Variants in NDEL1 observed in about 807,000 individuals in gnomAD.
The protein encoded by NDEL1 is nuclear distribution protein nudE-like 1.
Under a neutral mutation model 45.7 loss-of-function variants are expected in NDEL1, and 9 were observed. The ratio of observed to expected loss-of-function variants is 0.20; its 90% confidence interval spans 0.12 to 0.34. NDEL1 has a LOEUF of 0.34. NDEL1 is among the 10% of genes least tolerant of loss of function. NDEL1 has a pLI of 1.00. For synonymous variants in NDEL1, 133 were observed against 158.6 expected, an observed-to-expected ratio of 0.84 and a Z score of 1.21; for missense variants, 306 against 406.2, an observed-to-expected ratio of 0.75 and a Z score of 2.12.
chr17:8,470,838 C>A (rs961764040), downstream of NDEL1, among the ~76,000 whole-genome samples: 1 of 152,184 alleles, frequency 6.6e-6, no homozygotes, highest in Non-Finnish European at 1.5e-5. The surrounding 1 kb of genome is among the most constrained non-coding windows in gnomAD (Gnocchi z 4.2). Context: ...CAGGAGGAAT[C>A]GGTTCACGTA....
Position 8,444,290 on chromosome 17 carries a change from C to A in NDEL1, c.19C>A (p.Pro7Thr). Residue 7 changes from proline to threonine, a missense_variant, in exon 2 of 9, where the codon CCA becomes ACA. Pro to Thr is a conservative substitution (Grantham distance 38, BLOSUM62 -1). Coordinates refer to ENST00000334527, the MANE Select transcript of NDEL1 (RefSeq NM_030808.5). ...CTTGATCATGGATGGTGAAGATATA[C>A]CAGATTTTTCAAGTTTAAAGGAGGA... is the stretch of plus-strand genomic sequence containing the variant. MDGEDI[P>T]DFSSLKEETA... 6.2e-7 allele frequency: 1 copy of A among 1,611,874 alleles called. No homozygotes were observed. Among genetic ancestry groups the A allele is most frequent in the South Asian group, 1.1e-5 (1 of 90,934 alleles).
At chr17:8,432,318 TTTATATA>T (rs1909021296), upstream of NDEL1, among the ~76,000 whole-genome samples, 1 of 55,558 alleles carries the variant, frequency 1.8e-5, no homozygotes, top group Non-Finnish European at 3.8e-5. Context: ...TATATATATA[TTTATATA>T]TAAATATATA....
chr17:8,446,970 G>A, intron 4 of NDEL1, 68 bp downstream of exon 4: 1 of 1,532,986 alleles, frequency 6.5e-7, no homozygotes, highest in Non-Finnish European at 8.8e-7. Context: ...ATCTTTATTA[G>A]GCTCTTCCCC....
intron 7 of NDEL1, among the ~76,000 whole-genome samples, chr17:8,457,281 A>G (rs1910904521): frequency 6.6e-6 from 1 of 151,920 alleles, no homozygotes; most frequent in Middle Eastern, 3.2e-3. Flanking sequence ...GTCGCCCTCG[A>G]ATTTCTCTCC....
intron 1 of NDEL1, among the ~76,000 whole-genome samples, chr17:8,427,526 C>T (rs1047672535): frequency 2.0e-5 from 3 of 152,086 alleles, no homozygotes; most frequent in Non-Finnish European, 1.5e-5. Flanking sequence ...CATGGTGACA[C>T]CCCGTCTCTA....
intron 1 of NDEL1, among the ~76,000 whole-genome samples, chr17:8,428,933 A>T (rs1436847941): frequency 6.6e-6 from 1 of 151,834 alleles, no homozygotes; most frequent in East Asian, 1.9e-4. Context: ...TTGGCCTCCC[A>T]AAGTGCTGGG....
At chr17:8,454,980 T>A in intron 7 of NDEL1, 93 bp downstream of exon 7, 4 of 1,225,066 alleles carry the variant, frequency 3.3e-6, no homozygotes, top group Non-Finnish European at 4.8e-6. Flanking sequence ...AAGGATACTT[T>A]CCTGTGGTAA....
upstream of NDEL1, among the ~76,000 whole-genome samples, chr17:8,430,902 T>C (rs1335749475): frequency 6.6e-6 from 1 of 152,152 alleles, no homozygotes. Flanking sequence ...CCTGGGCCCA[T>C]CTCCCAGGGA....
At chr17:8,442,878 C>T (rs1909848048) in intron 1 of NDEL1, among the ~76,000 whole-genome samples, 2 of 150,676 alleles carry the variant, frequency 1.3e-5, no homozygotes, top group South Asian at 4.2e-4. Context: ...CAAGCTCCGC[C>T]TCCCGGGTTC....
intron 1 of NDEL1, among the ~76,000 whole-genome samples, chr17:8,442,842 T>C (rs1245865204): frequency 6.9e-6 from 1 of 145,144 alleles, no homozygotes; most frequent in Non-Finnish European, 1.5e-5. Flanking sequence ...CAGGCTGGAG[T>C]GCAGTGGCGC....
intron 5 of NDEL1, 52 bp downstream of exon 5, chr17:8,448,738 G>A (rs764637907): frequency 6.6e-5 from 101 of 1,521,310 alleles, no homozygotes; most frequent in Non-Finnish European, 8.8e-5. Context: ...ACATGGGTTT[G>A]AATTGTGTGG....
chr17:8,452,740 C>CTTTTTTTTTTTTTTTTTTTTTTTTTTT, intron 6 of NDEL1, among the ~76,000 whole-genome samples: 23 of 95,588 alleles, frequency 2.4e-4, no homozygotes, highest in South Asian at 4.1e-4. Flanking sequence ...TTTTTCTTCT[C>CTTTTTTTTTTTTTTTTTTTTTTTTTTT]TTTTTTTTTT....
Position 8,466,752 on chromosome 17 carries a change from T to C in NDEL1, c.945-178T>C, listed in dbSNP as rs957450205. 10 of 620,452 alleles carry C rather than the reference T, an allele frequency of 1.6e-5. No homozygotes were observed. The East Asian group carries it at 2.6e-4, about 16-fold the overall frequency. 38.4% of individuals were successfully genotyped at this position (620,452 alleles called of 1,614,324 possible). On this transcript the variant is annotated intron_variant, in intron 8 of 8. Coordinates refer to ENST00000334527, the MANE Select transcript of NDEL1 (RefSeq NM_030808.5). ...CTGGTTCCCCAGGATTCCCAAAGGC[T>C]CAATTCTCTAACCAGCTGGTGCTTT... is the stretch of plus-strand genomic sequence containing the variant.
intron 3 of NDEL1, among the ~76,000 whole-genome samples, chr17:8,473,178 T>A (rs1453916105): frequency 6.6e-6 from 1 of 151,902 alleles, no homozygotes; most frequent in Non-Finnish European, 1.5e-5. Flanking sequence ...GATCAGCCAG[T>A]AGGGAAGAAT....
Position 8,443,666 on chromosome 17 carries a change from T to TGA in NDEL1, c.-12-583_-12-582dup, listed in dbSNP as rs533960234. 3.3e-3 allele frequency among the ~76,000 whole-genome samples: 499 copies of TGA among 152,014 alleles called. 1 individual carries two copies. The highest frequency in any genetic ancestry group is 0.011 in the African/African-American group (472 of 41,454). ...ATGCCTTGGGAGAGAAGAACCAGGATGAGAGAGAGAGATCATTGAAGTTGG... is the reference window on the plus strand; with the variant it reads ...ATGCCTTGGGAGAGAAGAACCAGGATGAGAGAGAGAGAGATCATTGAAGTTGG... On this transcript the variant is annotated intron_variant, in intron 1 of 8. Transcript: ENST00000334527.
chr17:8,416,089 A>G (rs1908541005), intron 1 of NDEL1, among the ~76,000 whole-genome samples: 1 of 152,120 alleles, frequency 6.6e-6, no homozygotes, highest in African/African-American at 2.4e-5. Flanking sequence ...GGCATTAAGT[A>G]CGTTCACATT....
downstream of NDEL1, among the ~76,000 whole-genome samples, chr17:8,472,462 C>T (rs2151748540): frequency 6.6e-6 from 1 of 152,258 alleles, no homozygotes; most frequent in Middle Eastern, 3.4e-3. Flanking sequence ...AGTTCAAAAC[C>T]AACCTGTCCA....
At chr17:8,439,407 AT>A (rs35226962) in intron 1 of NDEL1, among the ~76,000 whole-genome samples, 5,322 of 140,446 alleles carry the variant, frequency 0.038, 275 homozygotes, top group African/African-American at 0.12. Flanking sequence ...TACCCAGCTA[AT>A]TTTTTTTTTT....
chr17:8,441,880 G>T (rs965640024), intron 1 of NDEL1, among the ~76,000 whole-genome samples: 1 of 151,994 alleles, frequency 6.6e-6, no homozygotes, highest in African/African-American at 2.4e-5. Context: ...CAGGAAGTGT[G>T]TAGGAGGTAG....
Sources: allele counts gnomAD v4.1 joint callset (sites outside exome capture counted in the v4.1 genomes callset), GRCh38; gene constraint gnomAD v4.1.1; non-coding constraint Gnocchi (gnomAD v3.1); transcripts MANE v1.5; gene names NCBI Gene and HGNC (gene_info 2026-07-23, HGNC 2026-07-21).